The following PAWR variants were observed in gnomAD, a reference collection of about 807,000 sequenced individuals.
PAWR encodes the protein PRKC apoptosis WT1 regulator protein.
In PAWR, 23 loss-of-function variants were observed where a neutral mutation model predicts 32.0. The ratio of observed to expected loss-of-function variants is 0.72; its 90% confidence interval spans 0.52 to 1.02. The LOEUF is 1.02. PAWR is among the 50% of genes least tolerant of loss of function. PAWR has a pLI of 0.00. For synonymous variants in PAWR, 226 were observed against 187.1 expected, an observed-to-expected ratio of 1.21 and a Z score of -1.70; for missense variants, 457 against 437.7, an observed-to-expected ratio of 1.04 and a Z score of -0.39.
At chr12:79,611,799 A>G (rs533077206) in intron 4 of PAWR, among the ~76,000 whole-genome samples, 34 of 152,132 alleles carry the variant, frequency 2.2e-4, no homozygotes, top group Non-Finnish European at 4.4e-4. Context: ...TGGACATATC[A>G]CAAGTAATGG....
chr12:79,666,818 A>G (rs2808356), intron 2 of PAWR, among the ~76,000 whole-genome samples: 29,840 of 152,188 alleles, frequency 0.2, 7,761 homozygotes, highest in African/African-American at 0.59. Flanking sequence ...TCATACATAC[A>G]GTGATATTTA....
At chr12:79,619,790 T>A (rs1362744811) in intron 3 of PAWR, among the ~76,000 whole-genome samples, 1 of 152,184 alleles carries the variant, frequency 6.6e-6, no homozygotes, top group Non-Finnish European at 1.5e-5. Context: ...TGGGATGGTT[T>A]CTATTACTAA....
intron 2 of PAWR, among the ~76,000 whole-genome samples, chr12:79,632,815 C>A (rs537621214): frequency 6.6e-6 from 1 of 152,164 alleles, no homozygotes; most frequent in South Asian, 2.1e-4. Context: ...CTTTATCTCA[C>A]ATCAGTTACA....
At chr12:79,619,497 T>A (rs1874898979) in intron 3 of PAWR, among the ~76,000 whole-genome samples, 1 of 152,180 alleles carries the variant, frequency 6.6e-6, no homozygotes, top group South Asian at 2.1e-4. Flanking sequence ...CTTCTATCCA[T>A]GAAATTGTAA....
chr12:79,678,046 C>T (rs1422211785), intron 2 of PAWR, among the ~76,000 whole-genome samples: 1 of 152,158 alleles, frequency 6.6e-6, no homozygotes, highest in African/African-American at 2.4e-5. Context: ...AAAGAAATCA[C>T]TTGGTACAAC....
chr12:79,608,340 C>G (rs972694446), intron 4 of PAWR, among the ~76,000 whole-genome samples: 2 of 152,114 alleles, frequency 1.3e-5, no homozygotes, highest in Non-Finnish European at 1.5e-5. Flanking sequence ...TGAAACTGTT[C>G]CACCTCAGAT....
intron 2 of PAWR, among the ~76,000 whole-genome samples, chr12:79,632,546 G>GT (rs1592516846): frequency 6.7e-6 from 1 of 149,740 alleles, no homozygotes; most frequent in East Asian, 2.0e-4. Flanking sequence ...GTTTTGTTTA[G>GT]TTTTTTGTAG....
intron 2 of PAWR, among the ~76,000 whole-genome samples, chr12:79,625,263 G>C (rs1005472400): frequency 6.6e-6 from 1 of 152,050 alleles, no homozygotes; most frequent in Admixed American, 6.6e-5. Flanking sequence ...AGTGACCTGT[G>C]AGACAGTATC....
chr12:79,684,331 C>A (rs1199654530), intron 2 of PAWR, among the ~76,000 whole-genome samples: 1 of 152,080 alleles, frequency 6.6e-6, no homozygotes, highest in Admixed American at 6.6e-5. Context: ...CATAGATAGG[C>A]TTGGTACGGT....
At chr12:79,625,737 G>A (rs567036589) in intron 2 of PAWR, among the ~76,000 whole-genome samples, 67 of 151,988 alleles carry the variant, frequency 4.4e-4, no homozygotes, top group African/African-American at 1.4e-3. Context: ...GGAGAATGTC[G>A]CGAACGCGGG....
At chr12:79,613,960 T>C (rs1566002584) in intron 3 of PAWR, among the ~76,000 whole-genome samples, 12 of 8,064 alleles carry the variant, frequency 1.5e-3, no homozygotes, top group African/African-American at 6.8e-3. Context: ...TATATATATA[T>C]ATATATATAT....
chr12:79,642,252 T>C lies in PAWR; in HGVS notation c.517-21045A>G, dbSNP rs569017641. On this transcript the variant is annotated intron_variant, in intron 2 of 6. Coordinates refer to ENST00000328827, the MANE Select transcript of PAWR (RefSeq NM_002583.4). The stretch of plus-strand genomic sequence containing the variant: ...AGCTATTATACTTTCTGGGAATCTA[T>C]GTATTTGGAAGAAATCAAAGACTTG... Among the ~76,000 whole-genome samples the C allele has an allele frequency of 5.3e-5, 8 of 152,350 alleles. No homozygotes were observed. The East Asian group carries it at 1.2e-3, about 22-fold the overall frequency.
At chr12:79,599,545 T>TA (rs1421930226) in intron 4 of PAWR, among the ~76,000 whole-genome samples, 1 of 152,250 alleles carries the variant, frequency 6.6e-6, no homozygotes, top group African/African-American at 2.4e-5. Context: ...GTTGATACTG[T>TA]AACCCTTTGC....
At chr12:79,658,972 T>TA (rs550704257) in intron 2 of PAWR, among the ~76,000 whole-genome samples, 1,321 of 86,600 alleles carry the variant, frequency 0.015, 20 homozygotes, top group African/African-American at 0.04. Context: ...CTTAGCACAC[T>TA]AAAAAAAAAA....
At chr12:79,640,511 C>G in intron 2 of PAWR, among the ~76,000 whole-genome samples, 1 of 152,134 alleles carries the variant, frequency 6.6e-6, no homozygotes, top group East Asian at 1.9e-4. Flanking sequence ...GAGGCCAAGG[C>G]AGGCAGATCC....
Position 79,613,615 on chromosome 12 carries a change from A to G in PAWR, c.649-6T>C, listed in dbSNP as rs779169895. On this transcript the variant is annotated splice_polypyrimidine_tract_variant and splice_region_variant and intron_variant, in intron 3 of 6. Transcript: ENST00000328827. Reference sequence around the variant, plus strand: ...GAAACTGTTCTAGGTGGCTCCTGCAAAGTAAAAATAATTATGTATCAGTTT... The same window carrying G: ...GAAACTGTTCTAGGTGGCTCCTGCAGAGTAAAAATAATTATGTATCAGTTT... 6.6e-7 allele frequency: 1 copy of G among 1,512,392 alleles called. No homozygotes were observed. The highest frequency in any genetic ancestry group is 1.7e-5 in the Admixed American group (1 of 58,822). 93.7% of individuals were successfully genotyped at this position (1,512,392 alleles called of 1,614,324 possible). A position where few individuals can be genotyped will look rare whatever the true frequency, so the allele number is the denominator to read the frequency against.
intron 2 of PAWR, among the ~76,000 whole-genome samples, chr12:79,678,197 A>G (rs1878262888): frequency 6.6e-6 from 1 of 152,190 alleles, no homozygotes; most frequent in South Asian, 2.1e-4. Context: ...CCTTTTAATG[A>G]TTTCAAATTA....
chr12:79,649,507 C>T (rs1876740174), intron 2 of PAWR, among the ~76,000 whole-genome samples: 1 of 152,016 alleles, frequency 6.6e-6, no homozygotes, highest in African/African-American at 2.4e-5. Flanking sequence ...GGAAATAGAG[C>T]TAGTCTCAGT....
intron 2 of PAWR, among the ~76,000 whole-genome samples, chr12:79,654,114 T>C (rs1876983633): frequency 6.6e-6 from 1 of 152,128 alleles, no homozygotes; most frequent in African/African-American, 2.4e-5. Context: ...GATAAAAAGG[T>C]TAACAAAAAT....
Sources: allele counts gnomAD v4.1 joint callset (sites outside exome capture counted in the v4.1 genomes callset), GRCh38; gene constraint gnomAD v4.1.1; transcripts MANE v1.5; gene names NCBI Gene and HGNC (gene_info 2026-07-23, HGNC 2026-07-21).